Variants in SPOCK1 observed in about 807,000 individuals in gnomAD.
SPOCK1 encodes SPARC (osteonectin), cwcv and kazal like domains proteoglycan 1, also known as testican-1.
Under a neutral mutation model 55.3 loss-of-function variants are expected in SPOCK1, and 23 were observed. The observed-to-expected ratio is 0.42, with a 90% CI of 0.30 to 0.59. The LOEUF is 0.59. Among genes scored for constraint, SPOCK1 ranks in the 20% least tolerant of loss-of-function variants. The pLI is 0.22. For synonymous variants in SPOCK1, 226 were observed against 221.0 expected (o/e 1.02, Z -0.20); for missense variants, 499 against 552.5 (o/e 0.90, Z 0.97).
intron 3 of SPOCK1, among the ~76,000 whole-genome samples, chr5:137,242,845 A>G (rs1720429816): frequency 6.6e-6 from 1 of 152,250 alleles, no homozygotes; most frequent in African/African-American, 2.4e-5. Flanking sequence ...AGCAGGGCGG[A>G]GAACATTGTG....
chr5:137,012,307 A>G (rs182188022), intron 6 of SPOCK1, among the ~76,000 whole-genome samples: 5 of 152,272 alleles, frequency 3.3e-5, no homozygotes, highest in East Asian at 3.9e-4. Context: ...CATTCTCACC[A>G]TTTAAAAAGA....
chr5:137,072,686 G>A (rs764744270), intron 5 of SPOCK1, among the ~76,000 whole-genome samples: 3 of 152,164 alleles, frequency 2.0e-5, no homozygotes, highest in East Asian at 1.9e-4. Flanking sequence ...GGTCTCAACC[G>A]AGTACATTTC....
intron 8 of SPOCK1, 51 bp from the exon 9 acceptor site, chr5:136,985,253 G>A (rs369084330): frequency 1.0e-4 from 154 of 1,498,706 alleles, no homozygotes; most frequent in Non-Finnish European, 1.3e-4. Context: ...GAGTATAATC[G>A]CTAATGATTG....
At chr5:136,979,651 C>T (rs1034787438) in intron 9 of SPOCK1, among the ~76,000 whole-genome samples, 182 bp from the exon 10 acceptor site, 2 of 152,126 alleles carry the variant, frequency 1.3e-5, no homozygotes, top group African/African-American at 2.4e-5. Context: ...GAGGCCCAAA[C>T]GCGATGAGCT....
intron 2 of SPOCK1, among the ~76,000 whole-genome samples, chr5:137,316,873 G>T (rs796532773): frequency 6.6e-6 from 1 of 152,226 alleles, no homozygotes; most frequent in Non-Finnish European, 1.5e-5. Flanking sequence ...GGCCCGCTCT[G>T]TGCCCACTGG....
chr5:137,275,501 T>C (rs1341570347), intron 2 of SPOCK1, among the ~76,000 whole-genome samples: 3 of 152,008 alleles, frequency 2.0e-5, no homozygotes, highest in East Asian at 3.9e-4. Flanking sequence ...GGGCAGGAGG[T>C]GCTGATTCAG....
chr5:137,151,625 C>G (rs977614909), intron 3 of SPOCK1, among the ~76,000 whole-genome samples: 1 of 152,194 alleles, frequency 6.6e-6, no homozygotes, highest in African/African-American at 2.4e-5. Flanking sequence ...GACCAGAAAG[C>G]AGTTCCCATT....
At chr5:137,249,926 A>G (rs1457693173) in intron 3 of SPOCK1, among the ~76,000 whole-genome samples, 2 of 152,186 alleles carry the variant, frequency 1.3e-5, no homozygotes, top group Non-Finnish European at 1.5e-5. Flanking sequence ...AGTATAGCAG[A>G]GATTAAAACC....
chr5:137,265,877 T>G (rs1756838637), intron 3 of SPOCK1, among the ~76,000 whole-genome samples: 1 of 152,178 alleles, frequency 6.6e-6, no homozygotes, highest in Non-Finnish European at 1.5e-5. Flanking sequence ...TGAGCTCCTG[T>G]AGGGTAGGCA....
chr5:137,324,392 C>G lies in SPOCK1; in HGVS notation c.187-57337G>C, dbSNP rs556116652. Among the ~76,000 whole-genome samples the G allele has an allele frequency of 3.3e-5, 5 of 152,098 alleles. No individual in the cohort carries two copies. The East Asian group carries it at 9.7e-4, about 29-fold the overall frequency. On this transcript the variant is annotated intron_variant, in intron 2 of 10. Coordinates refer to ENST00000394945, the MANE Select transcript of SPOCK1 (RefSeq NM_004598.4). Reference sequence around the variant, plus strand: ...CCCGGGAGGCAGAGTTTGCAGTGAGCCAAGATCACACCACTGCACTCCAGC... The same window carrying G: ...CCCGGGAGGCAGAGTTTGCAGTGAGGCAAGATCACACCACTGCACTCCAGC...
chr5:137,294,265 C>T (rs1290175792), intron 2 of SPOCK1, among the ~76,000 whole-genome samples: 3 of 151,968 alleles, frequency 2.0e-5, no homozygotes, highest in East Asian at 1.9e-4. Flanking sequence ...TATTTATTTC[C>T]ATCATGAGAA....
At chr5:137,052,313 C>A (rs1752222004) in intron 6 of SPOCK1, among the ~76,000 whole-genome samples, 1 of 152,188 alleles carries the variant, frequency 6.6e-6, no homozygotes, top group Non-Finnish European at 1.5e-5. Context: ...CAGTCACCTA[C>A]CGTTAAACTA....
chr5:137,028,023 C>T (rs34568330), intron 6 of SPOCK1, among the ~76,000 whole-genome samples: 47,032 of 152,020 alleles, frequency 0.31, 8,096 homozygotes, highest in Middle Eastern at 0.4. Flanking sequence ...CTCTCCCATC[C>T]CCCCTCCAAA....
chr5:137,146,302 G>A (rs1236748992), intron 3 of SPOCK1, among the ~76,000 whole-genome samples: 12 of 146,110 alleles, frequency 8.2e-5, no homozygotes, highest in South Asian at 6.6e-4. Context: ...CAAGATACCT[G>A]TTGAGACCAG....
intron 2 of SPOCK1, among the ~76,000 whole-genome samples, chr5:137,482,128 A>T (rs927514918): frequency 6.6e-6 from 1 of 152,228 alleles, no homozygotes. Flanking sequence ...AATAAAAAGT[A>T]GGGGAGGGAA....
At chr5:137,038,485 G>A (rs1485789365) in intron 6 of SPOCK1, among the ~76,000 whole-genome samples, 2 of 151,986 alleles carry the variant, frequency 1.3e-5, no homozygotes, top group African/African-American at 2.4e-5. Flanking sequence ...TGAAAGTGAA[G>A]AAGAGAGGTA....
At chr5:137,263,867 T>G (rs766152811) in intron 3 of SPOCK1, among the ~76,000 whole-genome samples, 4 of 152,164 alleles carry the variant, frequency 2.6e-5, no homozygotes, top group Non-Finnish European at 4.4e-5. Context: ...GTTAAAGACA[T>G]TCTGAGTCTC....
chr5:137,281,622 G>A (rs944978627), intron 2 of SPOCK1, among the ~76,000 whole-genome samples: 3 of 152,218 alleles, frequency 2.0e-5, no homozygotes, highest in Admixed American at 6.5e-5. Flanking sequence ...CAGAAATCAC[G>A]TTTACCCACA....
chr5:137,010,885 G>A (rs142204220), intron 6 of SPOCK1, among the ~76,000 whole-genome samples: 30 of 152,238 alleles, frequency 2.0e-4, no homozygotes, highest in Middle Eastern at 3.4e-3. Flanking sequence ...GCAGCCTGAG[G>A]TCCCTGGAAT....
Sources: allele counts gnomAD v4.1 joint callset (sites outside exome capture counted in the v4.1 genomes callset), GRCh38; gene constraint gnomAD v4.1.1; transcripts MANE v1.5; gene names NCBI Gene and HGNC (gene_info 2026-07-23, HGNC 2026-07-21).